Variants in PCDHA5 observed in about 807,000 individuals in gnomAD.
PCDHA5 encodes the protein protocadherin alpha-5.
In PCDHA5, 43 loss-of-function variants were observed where a neutral mutation model predicts 61.6. That is an observed-to-expected ratio of 0.70 (90% CI 0.55 to 0.90). The LOEUF (loss-of-function observed/expected upper bound fraction) is 0.90. PCDHA5 is among the 40% of genes least tolerant of loss of function. The pLI is 0.00. For missense variants in PCDHA5, 1,298 were observed against 1,222.7 expected, an observed-to-expected ratio of 1.06 and a Z score of -0.92; for synonymous variants, 627 against 543.9, an observed-to-expected ratio of 1.15 and a Z score of -2.13.
chr5:140,955,492 A>G, intron 1 of PCDHA5, among the ~76,000 whole-genome samples: 1 of 152,138 alleles, frequency 6.6e-6, no homozygotes, highest in East Asian at 1.9e-4. Context: ...TCCTGCCACC[A>G]TGTGAAGAAA....
chr5:140,849,738 C>T (rs1562459111), intron 1 of PCDHA5: 4 of 1,598,360 alleles, frequency 2.5e-6, no homozygotes, highest in East Asian at 2.2e-5. Flanking sequence ...AGCTCTGGAC[C>T]GCGAGAGTGT....
chr5:140,822,812 C>A lies in PCDHA5; in HGVS notation c.1037C>A (p.Thr346Asn). The A allele has an allele frequency of 1.2e-6, 2 of 1,614,074 alleles. No individual in the cohort carries two copies. Among genetic ancestry groups the A allele is most frequent in the Non-Finnish European group, 1.7e-6 (2 of 1,179,944 alleles). The change falls in exon 1 of 4, where the codon ACC (threonine) becomes AAC (asparagine). Residue 346 changes from threonine (T) to asparagine (N), a missense_variant. Coordinates refer to ENST00000529859, the MANE Select transcript of PCDHA5 (RefSeq NM_018908.3). ...VVKLLDVNDNTPEMAITTLFL... is the reference protein window; with the variant it reads ...VVKLLDVNDNNPEMAITTLFL... The stretch of plus-strand genomic sequence containing the variant: ...AAACTCCTGGATGTGAATGATAATA[C>A]CCCAGAGATGGCCATAACCACCCTT...
intron 3 of PCDHA5, among the ~76,000 whole-genome samples, chr5:140,994,613 G>A (rs1452021453): frequency 2.0e-5 from 3 of 152,082 alleles, no homozygotes; most frequent in Admixed American, 6.5e-5. Flanking sequence ...GCTGAGGCAC[G>A]AGAGTCACTT....
intron 1 of PCDHA5, chr5:140,854,500 C>T (rs1489975615): frequency 2.0e-5 from 3 of 149,908 alleles, no homozygotes; most frequent in Non-Finnish European, 3.0e-5. Context: ...TAGTAGGACA[C>T]ATAAACTGAT....
intron 1 of PCDHA5, among the ~76,000 whole-genome samples, chr5:140,832,886 A>G (rs1334973286): frequency 1.3e-5 from 2 of 152,182 alleles, no homozygotes; most frequent in African/African-American, 4.8e-5. Context: ...TAAAATGGAA[A>G]GAGTTTTCCC....
At chr5:140,877,207 G>C in intron 1 of PCDHA5, 3 of 1,613,796 alleles carry the variant, frequency 1.9e-6, no homozygotes, top group Non-Finnish European at 2.5e-6. Context: ...CGCAGTTAGC[G>C]AGTTGGTACC....
chr5:140,844,739 T>G (rs1370806912), intron 1 of PCDHA5, among the ~76,000 whole-genome samples: 1 of 149,606 alleles, frequency 6.7e-6, no homozygotes, highest in Non-Finnish European at 1.5e-5. Context: ...ATATTTAGTA[T>G]TATGGGATAA....
intron 1 of PCDHA5, among the ~76,000 whole-genome samples, chr5:140,895,206 A>G (rs948962776): frequency 6.6e-6 from 1 of 151,808 alleles, no homozygotes; most frequent in Non-Finnish European, 1.5e-5. Flanking sequence ...ATTTGCTTTT[A>G]TTTCTAATAT....
chr5:140,861,476 C>A, intron 1 of PCDHA5: 2 of 493,220 alleles, frequency 4.1e-6, no homozygotes, highest in Admixed American at 2.1e-5. Flanking sequence ...TGCAGAATGG[C>A]ATTTTTGTGA....
intron 1 of PCDHA5, chr5:140,835,708 C>T (rs182652510): frequency 1.8e-5 from 29 of 1,613,660 alleles, no homozygotes; most frequent in Middle Eastern, 1.7e-4. Context: ...GCTAGCGTGT[C>T]CGTGGAGGTG....
chr5:140,889,080 A>G (rs2062092798), intron 1 of PCDHA5, among the ~76,000 whole-genome samples: 1 of 151,888 alleles, frequency 6.6e-6, no homozygotes, highest in Non-Finnish European at 1.5e-5. Flanking sequence ...ATTTTGTTAA[A>G]TTTTCAAAAC....
rs146952531 is a variant in PCDHA5 at position 140,951,754 on chromosome 5, G to A, written c.2353-27195G>A. Among the ~76,000 whole-genome samples the A allele has an allele frequency of 4.6e-3, 703 of 152,152 alleles. 3 individuals are homozygous for A. The highest frequency in any genetic ancestry group is 0.016 in the African/African-American group (681 of 41,502). ...TTCTGCCACTGCCCTCACCCTCCGC[G>A]AAATCTCATGACGTTCTTACATTGC... On this transcript the variant is annotated intron_variant, in intron 1 of 3. Transcript: ENST00000529859.
intron 1 of PCDHA5, chr5:140,848,451 T>A (rs1450153960): frequency 1.3e-6 from 2 of 1,519,288 alleles, no homozygotes; most frequent in Non-Finnish European, 1.8e-6. Context: ...TTTCTTCTAA[T>A]TTGGAGGCAA....
intron 1 of PCDHA5, among the ~76,000 whole-genome samples, chr5:140,974,883 C>T (rs1188748856): frequency 1.3e-5 from 2 of 152,154 alleles, no homozygotes; most frequent in Non-Finnish European, 2.9e-5. Context: ...CTATGTATCC[C>T]TTTTCTGATG....
chr5:140,927,417 G>T (rs74597681), intron 1 of PCDHA5: 1 of 1,614,100 alleles, frequency 6.2e-7, no homozygotes, highest in Non-Finnish European at 8.5e-7. Flanking sequence ...ACATGGGATC[G>T]CGGGTTGACG....
chr5:140,892,580 A>C (rs1462175198), intron 1 of PCDHA5, among the ~76,000 whole-genome samples: 2 of 152,198 alleles, frequency 1.3e-5, no homozygotes, highest in Admixed American at 1.3e-4. Context: ...AGTATATCTC[A>C]GTATTCATTC....
rs2150112671 is a variant in PCDHA5 at position 140,821,988 on chromosome 5, G to A, written c.213G>A (p.Gly71=). Residue 71 remains glycine, a synonymous_variant, in exon 1 of 4, where the codon GGG becomes GGA. Coordinates refer to ENST00000529859, the MANE Select transcript of PCDHA5 (RefSeq NM_018908.3). The part of the protein sequence containing the change: ...RLFRVASKGR[G]DLLEVNLQNG... ...TCCGGGTGGCGTCCAAGGGCCGCGGGGACCTTCTGGAGGTAAATCTGCAGA... is the reference window on the plus strand; with the variant it reads ...TCCGGGTGGCGTCCAAGGGCCGCGGAGACCTTCTGGAGGTAAATCTGCAGA... 3.2e-5 allele frequency: 52 copies of A among 1,614,070 alleles called. No homozygotes were observed. Among genetic ancestry groups the A allele is most frequent in the Admixed American group, 3.2e-4 (19 of 60,010 alleles).
At chr5:140,917,238 G>A (rs144302098) in intron 1 of PCDHA5, among the ~76,000 whole-genome samples, 1 of 150,440 alleles carries the variant, frequency 6.6e-6, no homozygotes, top group Non-Finnish European at 1.5e-5. Flanking sequence ...TTAAATCTAG[G>A]TACTACGATT....
chr5:140,876,827 C>A, intron 1 of PCDHA5: 3 of 1,614,182 alleles, frequency 1.9e-6, no homozygotes, highest in South Asian at 1.1e-5. Context: ...AACGACAATG[C>A]GCCTGCGTTC....
Sources: allele counts gnomAD v4.1 joint callset (sites outside exome capture counted in the v4.1 genomes callset), GRCh38; gene constraint gnomAD v4.1.1; transcripts MANE v1.5; gene names NCBI Gene and HGNC (gene_info 2026-07-23, HGNC 2026-07-21).